The following TIAM1 variants were observed in gnomAD, a reference collection of about 807,000 sequenced individuals.
TIAM1 encodes rho guanine nucleotide exchange factor TIAM1.
TIAM1 carries 65 observed loss-of-function variants against 163.5 expected under a neutral mutation model. The ratio of observed to expected loss-of-function variants is 0.40; its 90% CI spans 0.33 to 0.49. TIAM1 has a LOEUF of 0.49. TIAM1 is among the 20% of genes least tolerant of loss of function. The pLI, the probability that TIAM1 is intolerant of heterozygous loss-of-function variation, is 0.77. For synonymous variants in TIAM1, 833 were observed against 810.1 expected (o/e 1.03, Z -0.48); for missense variants, 1,789 against 2,044.7 (o/e 0.87, Z 2.41).
intron 2 of TIAM1, among the ~76,000 whole-genome samples, chr21:31,315,137 A>G (rs1247249114): frequency 9.2e-5 from 14 of 152,062 alleles, no homozygotes. Context: ...TTGGAAGGCC[A>G]TGGCGGATGG....
chr21:31,327,240 G>A (rs982137306), intron 2 of TIAM1, among the ~76,000 whole-genome samples: 1 of 152,140 alleles, frequency 6.6e-6, no homozygotes, highest in African/African-American at 2.4e-5. Flanking sequence ...CAGAGAACCC[G>A]AAATTATCTT....
intron 2 of TIAM1, among the ~76,000 whole-genome samples, chr21:31,461,446 T>C (rs1177428869): frequency 6.6e-6 from 1 of 152,120 alleles, no homozygotes; most frequent in Non-Finnish European, 1.5e-5. Flanking sequence ...ATCACGCCAC[T>C]GTACTGCAGC....
chr21:31,171,247 T>C (rs1046607927), intron 15 of TIAM1, among the ~76,000 whole-genome samples: 2 of 152,106 alleles, frequency 1.3e-5, no homozygotes, highest in Non-Finnish European at 2.9e-5. Flanking sequence ...AATCAGTATA[T>C]GAATAGCCCA....
At chr21:31,527,263 G>A (rs1361118322) in intron 1 of TIAM1, among the ~76,000 whole-genome samples, 1 of 152,112 alleles carries the variant, frequency 6.6e-6, no homozygotes, top group African/African-American at 2.4e-5. Context: ...ACTTACTCAT[G>A]CTGACACACA....
intron 1 of TIAM1, among the ~76,000 whole-genome samples, chr21:31,531,587 A>C (rs997545969): frequency 6.6e-6 from 1 of 152,170 alleles, no homozygotes; most frequent in African/African-American, 2.4e-5. Context: ...ACATTATAGA[A>C]GGGAATGAGA....
chr21:31,269,820 C>T (rs936193066), intron 3 of TIAM1, among the ~76,000 whole-genome samples: 15 of 152,106 alleles, frequency 9.9e-5, no homozygotes, highest in Admixed American at 7.2e-4. Context: ...TACAGGCGCC[C>T]GCCACCACGC....
chr21:31,400,360 C>T (rs184431779), intron 2 of TIAM1, among the ~76,000 whole-genome samples: 1 of 152,206 alleles, frequency 6.6e-6, no homozygotes, highest in Admixed American at 6.5e-5. Context: ...AAACTCCTGA[C>T]CTCAGGTGAT....
intron 1 of TIAM1, among the ~76,000 whole-genome samples, chr21:31,480,987 C>A (rs1322765649): frequency 6.6e-6 from 1 of 152,134 alleles, no homozygotes; most frequent in Non-Finnish European, 1.5e-5. Flanking sequence ...AACTCCTGAC[C>A]TCATACGATC....
Position 31,217,717 on chromosome 21 carries a change from A to C in TIAM1, c.1996-18T>G. 1 of 1,611,710 alleles carries C rather than the reference A, an allele frequency of 6.2e-7. No individual in the cohort carries two copies. Among genetic ancestry groups the C allele is most frequent in the Non-Finnish European group, 8.5e-7 (1 of 1,178,648 alleles). On this transcript the variant is annotated intron_variant, in intron 8 of 27. Coordinates refer to ENST00000541036, the MANE Select transcript of TIAM1 (RefSeq NM_001353694.2). Reference sequence around the variant, plus strand: ...GCTGCCACCTGAGGATGGCAAGGACAAGCAGCCACAAGGGAGATGCATCAG... The same window carrying C: ...GCTGCCACCTGAGGATGGCAAGGACCAGCAGCCACAAGGGAGATGCATCAG...
chr21:31,120,212 G>T lies in TIAM1; in HGVS notation c.*156C>A, dbSNP rs1293269779. On this transcript the variant is annotated 3_prime_UTR_variant, in exon 28 of 28. Coordinates refer to ENST00000541036, the MANE Select transcript of TIAM1 (RefSeq NM_001353694.2). The surrounding 1 kb of genome is among the most constrained non-coding windows in gnomAD (Gnocchi z 4.2). ...TTCTGATGTTGTTGAAAATGACAAA[G>T]TTGGGTGGCTACATGGCTTCAGAAC... The T allele has an allele frequency of 4.6e-6, 3 of 647,980 alleles. No individual in the cohort carries two copies. The highest frequency in any genetic ancestry group is 4.2e-4 in the Middle Eastern group (1 of 2,368). 40.1% of individuals were successfully genotyped at this position (647,980 alleles called of 1,614,324 possible).
chr21:31,170,719 A>G (rs1217781778), intron 15 of TIAM1, among the ~76,000 whole-genome samples: 2 of 151,988 alleles, frequency 1.3e-5, no homozygotes, highest in African/African-American at 4.8e-5. Flanking sequence ...AAGTCAAAAA[A>G]TCATTAAGTC....
intron 2 of TIAM1, among the ~76,000 whole-genome samples, chr21:31,406,811 T>TA (rs1245631282): frequency 2.6e-5 from 4 of 152,082 alleles, no homozygotes; most frequent in Non-Finnish European, 4.4e-5. Context: ...ATTTTCACCT[T>TA]AAAAAAAATC....
intron 15 of TIAM1, 149 bp from the exon 16 acceptor site, chr21:31,165,214 A>G: frequency 3.3e-6 from 2 of 604,336 alleles, no homozygotes; most frequent in South Asian, 4.5e-5. Flanking sequence ...CCTGGGCTCA[A>G]TCAAATTAAA....
At chr21:31,387,967 G>T (rs2076904395) in intron 2 of TIAM1, among the ~76,000 whole-genome samples, 1 of 152,048 alleles carries the variant, frequency 6.6e-6, no homozygotes, top group Non-Finnish European at 1.5e-5. Flanking sequence ...GTTCTCATGA[G>T]ATCTGGTTGT....
intron 2 of TIAM1, among the ~76,000 whole-genome samples, chr21:31,405,978 A>G (rs573150085): frequency 6.6e-6 from 1 of 152,316 alleles, no homozygotes; most frequent in South Asian, 2.1e-4. Flanking sequence ...TATTTGCTTT[A>G]AAAGTATAAA....
chr21:31,457,655 T>A (rs1370936243), intron 2 of TIAM1, among the ~76,000 whole-genome samples: 1 of 152,186 alleles, frequency 6.6e-6, no homozygotes, highest in Non-Finnish European at 1.5e-5. Context: ...CAAAGCACTT[T>A]CTTATACATT....
At chr21:31,422,368 T>C (rs917368740) in intron 2 of TIAM1, among the ~76,000 whole-genome samples, 1 of 152,202 alleles carries the variant, frequency 6.6e-6, no homozygotes, top group Non-Finnish European at 1.5e-5. Flanking sequence ...AGCAGTTTTC[T>C]TGTTCCTCTG....
chr21:31,531,622 G>A (rs982943278), intron 1 of TIAM1, among the ~76,000 whole-genome samples: 1 of 152,016 alleles, frequency 6.6e-6, no homozygotes, highest in African/African-American at 2.4e-5. Flanking sequence ...GAAAAAGGAG[G>A]ATCAAAGAGG....
intron 25 of TIAM1, among the ~76,000 whole-genome samples, chr21:31,129,037 C>T (rs2082312877): frequency 6.6e-6 from 1 of 152,194 alleles, no homozygotes; most frequent in East Asian, 1.9e-4. Context: ...TAGAAATTCT[C>T]TTGATCATGC....
Sources: allele counts gnomAD v4.1 joint callset (sites outside exome capture counted in the v4.1 genomes callset), GRCh38; gene constraint gnomAD v4.1.1; non-coding constraint Gnocchi (gnomAD v3.1); transcripts MANE v1.5; gene names NCBI Gene and HGNC (gene_info 2026-07-23, HGNC 2026-07-21).